Variants in THEM4 observed in about 807,000 individuals in gnomAD.
The protein encoded by THEM4 is acyl-coenzyme A thioesterase THEM4.
A neutral mutation model predicts 25.0 loss-of-function variants in THEM4; 22 were observed. The observed-to-expected ratio is 0.88, with a 90% CI of 0.63 to 1.26. The LOEUF (loss-of-function observed/expected upper bound fraction) is 1.26, where lower values mean the gene tolerates loss of function less well. THEM4 is among the 50% of genes most tolerant of loss of function. The pLI, the probability that THEM4 is intolerant of heterozygous loss-of-function variation, is 0.00. For missense variants in THEM4, 286 were observed against 300.3 expected (o/e 0.95, Z 0.35); for synonymous variants, 113 against 105.6 (o/e 1.07, Z -0.43).
rs758551526 is a variant in THEM4, at chr1:151,888,435, AG to A, written c.447-53del. 5.7e-6 allele frequency: 8 copies of A among 1,404,462 alleles called. No individual in the cohort carries two copies. In the African/African-American group the frequency reaches 8.6e-5, roughly 15 times the overall value. 87.0% of individuals were successfully genotyped at this position (1,404,462 alleles called of 1,614,324 possible). A position where few individuals can be genotyped will look rare whatever the true frequency, so the allele number is the denominator to read the frequency against. ...ATGTTTTCAGAAGTTCTGAAGATAGAGAGCCTCTTGAAAGAGAAAAATTATC... is the reference window on the plus strand; with the variant it reads ...ATGTTTTCAGAAGTTCTGAAGATAGAAGCCTCTTGAAAGAGAAAAATTATC... On this transcript the variant is annotated intron_variant, in intron 3 of 5. Transcript: ENST00000368814.
chr1:151,875,019 G>T lies in THEM4; in HGVS notation c.683-91C>A, dbSNP rs1013182427. ...AATAGAAAGACATATACAAAAGAAG[G>T]ATTTGATTCACATTTGTAGCTTCAG... On this transcript the variant is annotated intron_variant, in intron 5 of 5. Transcript: ENST00000368814. The T allele has an allele frequency of 4.7e-5, 49 of 1,050,328 alleles. No homozygotes were observed. In the African/African-American group the frequency reaches 6.9e-4, roughly 15 times the overall value. The allele number at this position is 1,050,328 out of a possible 1,614,324, so 65.1% of individuals were successfully genotyped here. A position where few individuals can be genotyped will look rare whatever the true frequency, so the allele number is the denominator to read the frequency against.
rs1431970150 is a variant in THEM4, at chr1:151,872,397, A to T, written c.*2491T>A. Among the ~76,000 whole-genome samples, 1 of 152,266 alleles carries T rather than the reference A, an allele frequency of 6.6e-6. No homozygotes were observed. Among genetic ancestry groups the T allele is most frequent in the Non-Finnish European group, 1.5e-5 (1 of 68,050 alleles). On this transcript the variant is annotated 3_prime_UTR_variant, in exon 6 of 6. Transcript: ENST00000368814. ...TTCTGTTCTTCGAAATAGTGATTTC[A>T]TATGGTTCAGCTTAAATTTCTAATA...
intron 1 of THEM4, among the ~76,000 whole-genome samples, chr1:151,900,190 CA>C (rs1654321547): frequency 6.6e-6 from 1 of 152,004 alleles, no homozygotes; most frequent in African/African-American, 2.4e-5. Context: ...AGAAACCCAT[CA>C]AAACAGAACC....
At chr1:151,890,967 T>A (rs1654081406) in intron 2 of THEM4, 1 of 152,158 alleles carries the variant, frequency 6.6e-6, no homozygotes, top group African/African-American at 2.4e-5. Flanking sequence ...AGATTTCTGG[T>A]CTAGATTGGC....
At chr1:151,903,917 G>A (rs1008825173) in intron 1 of THEM4, among the ~76,000 whole-genome samples, 1 of 152,114 alleles carries the variant, frequency 6.6e-6, no homozygotes, top group African/African-American at 2.4e-5. Context: ...CTTTTTTTGA[G>A]TCCTACTACA....
In THEM4 at chr1:151,893,876, G is replaced by C. The variant is rs139294970; in HGVS notation, c.286+1132C>G. ...CTTTTTCTCTTTTTTTTTTTGTAGGGGGGGAGACAGTCTCACTCTGTTGCC... is the reference window on the plus strand; with the variant it reads ...CTTTTTCTCTTTTTTTTTTTGTAGGCGGGGAGACAGTCTCACTCTGTTGCC... On this transcript the variant is annotated intron_variant, in intron 2 of 5. Transcript: ENST00000368814. 4.2e-3 allele frequency among the ~76,000 whole-genome samples: 642 copies of C among 151,592 alleles called. 4 individuals are homozygous for C. Among genetic ancestry groups the C allele is most frequent in the African/African-American group, 0.015 (613 of 41,346 alleles).
At chr1:151,894,078 G>C (rs1654158507) in intron 2 of THEM4, among the ~76,000 whole-genome samples, 1 of 152,058 alleles carries the variant, frequency 6.6e-6, no homozygotes, top group South Asian at 2.1e-4. Flanking sequence ...GGCCAGGCTG[G>C]TCTTAAACCC....
intron 4 of THEM4, among the ~76,000 whole-genome samples, chr1:151,885,406 A>G (rs1340853933): frequency 6.6e-6 from 1 of 152,256 alleles, no homozygotes; most frequent in Non-Finnish European, 1.5e-5. Context: ...GGCGTGAGCC[A>G]CTGTGCCCAG....
At chr1:151,906,005 G>A (rs555544430) in intron 1 of THEM4, among the ~76,000 whole-genome samples, 8 of 152,350 alleles carry the variant, frequency 5.3e-5, no homozygotes, top group South Asian at 2.1e-4. Flanking sequence ...CCCTCTCGGC[G>A]CCTCCTCTGC....
chr1:151,887,977 G>A (rs1654008709), intron 4 of THEM4, among the ~76,000 whole-genome samples: 1 of 152,122 alleles, frequency 6.6e-6, no homozygotes, highest in Non-Finnish European at 1.5e-5. Flanking sequence ...ATACATGCGA[G>A]AGTATAAAGA....
In THEM4 at chr1:151,907,580, G is replaced by T. The variant is rs192063592; in HGVS notation, c.99+1780C>A. Among the ~76,000 whole-genome samples the T allele has an allele frequency of 6.8e-3, 1,041 of 152,244 alleles. 5 individuals carry two copies. Among genetic ancestry groups the T allele is most frequent in the Middle Eastern group, 0.017 (5 of 294 alleles). Reference sequence around the variant, plus strand: ...GGGCCCAGCTTTTGGATGTTAGTCCGCTGGGTCTGAGTGCACTCAATAAAG... The same window carrying T: ...GGGCCCAGCTTTTGGATGTTAGTCCTCTGGGTCTGAGTGCACTCAATAAAG... On this transcript the variant is annotated intron_variant, in intron 1 of 5. Transcript: ENST00000368814.
rs1653693227 is a variant in THEM4 at position 151,876,905 on chromosome 1, C to G, written c.682+96G>C. 11 of 1,451,564 alleles carry G rather than the reference C, an allele frequency of 7.6e-6. No individual in the cohort carries two copies. In the South Asian group the frequency reaches 1.6e-4, roughly 21 times the overall value. The allele number at this position is 1,451,564 out of a possible 1,614,324, so 89.9% of individuals were successfully genotyped here. On this transcript the variant is annotated intron_variant, in intron 5 of 5. Coordinates refer to ENST00000368814, the MANE Select transcript of THEM4 (RefSeq NM_053055.5). ...AAACCAAACCAAAACACCCCCCTGA[C>G]CCCCACAAAACCCAAATCAACCAAC...
intron 4 of THEM4, among the ~76,000 whole-genome samples, chr1:151,883,808 C>G (rs987699363): frequency 5.9e-5 from 9 of 151,938 alleles, no homozygotes; most frequent in Non-Finnish European, 1.3e-4. Flanking sequence ...GGCACGATGG[C>G]TCACACCTGT....
chr1:151,894,191 A>G (rs970809635), intron 2 of THEM4, among the ~76,000 whole-genome samples: 1 of 152,202 alleles, frequency 6.6e-6, no homozygotes, highest in African/African-American at 2.4e-5. Context: ...TCAGTTAAAA[A>G]AAACCAACCA....
chr1:151,884,065 A>G (rs1333190070), intron 4 of THEM4, among the ~76,000 whole-genome samples: 1 of 149,608 alleles, frequency 6.7e-6, no homozygotes, highest in East Asian at 2.0e-4. Flanking sequence ...GCAGAGTGAG[A>G]CTCTGTCTCA....
At chr1:151,901,819 G>A (rs536549034) in intron 1 of THEM4, among the ~76,000 whole-genome samples, 1 of 152,108 alleles carries the variant, frequency 6.6e-6, no homozygotes, top group East Asian at 1.9e-4. Context: ...CTCCAGCCTG[G>A]GCAACAAGAG....
chr1:151,898,435 C>T (rs1166152188), intron 1 of THEM4, among the ~76,000 whole-genome samples: 2 of 152,128 alleles, frequency 1.3e-5, no homozygotes, highest in Non-Finnish European at 2.9e-5. Flanking sequence ...GCAGCAAGAT[C>T]CCCCCAAGGA....
intron 2 of THEM4, among the ~76,000 whole-genome samples, chr1:151,892,300 G>C (rs1224408829): frequency 6.6e-6 from 1 of 152,166 alleles, no homozygotes; most frequent in Non-Finnish European, 1.5e-5. Context: ...GTTTATGAAA[G>C]CCAAAAGAAA....
chr1:151,908,675 C>T (rs111482664), intron 1 of THEM4, among the ~76,000 whole-genome samples: 24 of 152,254 alleles, frequency 1.6e-4, no homozygotes, highest in African/African-American at 5.5e-4. Context: ...TTATGTTTTC[C>T]TTTTCTTGGA....
Sources: allele counts gnomAD v4.1 joint callset (sites outside exome capture counted in the v4.1 genomes callset), GRCh38; gene constraint gnomAD v4.1.1; transcripts MANE v1.5; gene names NCBI Gene and HGNC (gene_info 2026-07-23, HGNC 2026-07-21).